Variants in CHODL observed in about 807,000 individuals in gnomAD.
CHODL encodes transmembrane protein MT75.
A neutral mutation model predicts 34.5 loss-of-function variants in CHODL; 29 were observed. The observed-to-expected ratio is 0.84, with a 90% CI of 0.63 to 1.15. The LOEUF is 1.15. Ranked by LOEUF, CHODL falls within the 50% of genes most tolerant of loss-of-function variation. The pLI, the probability that CHODL is intolerant of heterozygous loss-of-function variation, is 0.00. For missense variants in CHODL, 332 were observed against 332.5 expected (o/e 1.00, Z 0.01); for synonymous variants, 125 against 116.1 (o/e 1.08, Z -0.49).
intron 2 of CHODL, among the ~76,000 whole-genome samples, chr21:18,063,077 G>A (rs570658028): frequency 6.6e-6 from 1 of 152,120 alleles, no homozygotes; most frequent in Non-Finnish European, 1.5e-5. Flanking sequence ...CTAAAACATC[G>A]TTTCAAATAA....
chr21:18,180,098 T>G (rs1451734187), intron 2 of CHODL, among the ~76,000 whole-genome samples: 1 of 152,234 alleles, frequency 6.6e-6, no homozygotes, highest in Non-Finnish European at 1.5e-5. Context: ...ATGCCTAGGT[T>G]ATAGTTAGCA....
intron 1 of CHODL, among the ~76,000 whole-genome samples, chr21:17,942,277 C>T (rs1053479375): frequency 2.6e-5 from 4 of 152,156 alleles, no homozygotes; most frequent in African/African-American, 9.7e-5. Flanking sequence ...GTAACTCCCA[C>T]AATTCCCACA....
intron 2 of CHODL, among the ~76,000 whole-genome samples, chr21:18,217,110 G>T (rs1295042485): frequency 6.6e-6 from 1 of 152,182 alleles, no homozygotes; most frequent in Non-Finnish European, 1.5e-5. Flanking sequence ...TGGCATAAAT[G>T]TGGAAGTGCA....
intron 4 of CHODL, among the ~76,000 whole-genome samples, chr21:18,261,813 G>T (rs2074386079): frequency 6.6e-6 from 1 of 152,112 alleles, no homozygotes; most frequent in Non-Finnish European, 1.5e-5. Flanking sequence ...TATCAAATGT[G>T]ATGGAACAGG....
intron 1 of CHODL, among the ~76,000 whole-genome samples, chr21:17,933,690 A>T (rs2146322758): frequency 6.6e-6 from 1 of 152,240 alleles, no homozygotes; most frequent in South Asian, 2.1e-4. Context: ...CCCCACAAAT[A>T]CTACATGTTC....
chr21:17,934,005 C>T (rs917945573), intron 1 of CHODL, among the ~76,000 whole-genome samples: 1 of 150,586 alleles, frequency 6.6e-6, no homozygotes, highest in Admixed American at 6.6e-5. Context: ...TCACTGCACT[C>T]CAGTCTAAGT....
At chr21:18,031,875 A>G (rs1310665659) in intron 2 of CHODL, among the ~76,000 whole-genome samples, 1 of 152,222 alleles carries the variant, frequency 6.6e-6, no homozygotes, top group Admixed American at 6.5e-5. Context: ...TTGAGAAAAA[A>G]CAAGTATATG....
chr21:18,202,583 C>T (rs2146710942), intron 2 of CHODL, among the ~76,000 whole-genome samples: 1 of 152,244 alleles, frequency 6.6e-6, no homozygotes, highest in Non-Finnish European at 1.5e-5. Flanking sequence ...GCCCTTTTGT[C>T]GTGGGCTCCT....
At chr21:18,028,277 C>CCCTTCCTTCCTTCCTTCCTT (rs1555853374) in intron 2 of CHODL, among the ~76,000 whole-genome samples, 61 of 98,984 alleles carry the variant, frequency 6.2e-4, no homozygotes, top group South Asian at 1.3e-3. Flanking sequence ...TTTCCTTTTC[C>CCCTTCCTTCCTTCCTTCCTT]CCTTCCTTCC....
chr21:18,234,187 A>G (rs1418474185), intron 2 of CHODL, among the ~76,000 whole-genome samples: 2 of 152,048 alleles, frequency 1.3e-5, no homozygotes, highest in African/African-American at 2.4e-5. Flanking sequence ...CGCTACTTTT[A>G]CTCTGTGACC....
At chr21:17,958,102 A>C (rs2063506225) in intron 1 of CHODL, among the ~76,000 whole-genome samples, 2 of 151,980 alleles carry the variant, frequency 1.3e-5, no homozygotes, top group African/African-American at 2.4e-5. Context: ...CCCTCTTTCT[A>C]ATTTAGGCAC....
chr21:18,237,677 C>CA (rs1292766145), intron 2 of CHODL, among the ~76,000 whole-genome samples: 26 of 152,246 alleles, frequency 1.7e-4, no homozygotes, highest in South Asian at 8.3e-4. Flanking sequence ...GATTAAAAAA[C>CA]ATTAATTCAG....
Position 18,028,280 on chromosome 21 carries a change from T to C in CHODL, c.-45+309T>C, listed in dbSNP as rs1440211800. The stretch of plus-strand genomic sequence containing the variant: ...TTTCTTTTTCTTTTTCCTTTTCCCC[T>C]TCCTTCCTTCCTTCCTTCCTTCCTT... On this transcript the variant is annotated intron_variant, in intron 2 of 6. Coordinates refer to the CHODL transcript ENST00000400127. Among the ~76,000 whole-genome samples the C allele has an allele frequency of 5.2e-3, 489 of 94,082 alleles. 18 individuals carry two copies. Among genetic ancestry groups the C allele is most frequent in the African/African-American group, 0.018 (452 of 25,484 alleles). The allele number at this position is 94,082 out of a possible 152,430, so 61.7% of individuals were successfully genotyped here.
chr21:18,205,471 T>A (rs950006057), intron 2 of CHODL, among the ~76,000 whole-genome samples: 10 of 151,640 alleles, frequency 6.6e-5, no homozygotes, highest in African/African-American at 2.4e-4. Flanking sequence ...TATTTCTGCC[T>A]GATCTTTATT....
chr21:17,986,863 A>C (rs539958535), intron 1 of CHODL, among the ~76,000 whole-genome samples: 1 of 152,270 alleles, frequency 6.6e-6, no homozygotes, highest in South Asian at 2.1e-4. Flanking sequence ...TAAGGGCAAG[A>C]CCTTAGCATT....
chr21:17,924,710 A>G (rs542846042), intron 1 of CHODL, among the ~76,000 whole-genome samples: 1 of 152,370 alleles, frequency 6.6e-6, no homozygotes, highest in Admixed American at 6.5e-5. Context: ...TTAGCTGAAC[A>G]TAACATAAAA....
chr21:17,963,824 A>G (rs1266905351), intron 1 of CHODL, among the ~76,000 whole-genome samples: 1 of 151,362 alleles, frequency 6.6e-6, no homozygotes, highest in Non-Finnish European at 1.5e-5. Flanking sequence ...TCTCTCTTAT[A>G]TTCTTGGAAT....
At chr21:17,987,676 A>G (rs2063764367) in intron 1 of CHODL, among the ~76,000 whole-genome samples, 2 of 152,336 alleles carry the variant, frequency 1.3e-5, no homozygotes, top group South Asian at 4.1e-4. Flanking sequence ...CTGACTTAAT[A>G]GAAAAGCAAA....
intron 1 of CHODL, among the ~76,000 whole-genome samples, chr21:18,012,586 G>T (rs2064029514): frequency 6.6e-6 from 1 of 152,142 alleles, no homozygotes; most frequent in South Asian, 2.1e-4. Context: ...ATTAAGTTCG[G>T]GTTTATTAAT....
Sources: allele counts gnomAD v4.1 joint callset (sites outside exome capture counted in the v4.1 genomes callset), GRCh38; gene constraint gnomAD v4.1.1; transcripts MANE v1.5; gene names NCBI Gene and HGNC (gene_info 2026-07-23, HGNC 2026-07-21).